GNAS: variants seen among roughly 807,000 people sequenced by gnomAD.
The protein encoded by GNAS is GNAS complex locus.
A neutral mutation model predicts 54.5 loss-of-function variants in GNAS; 8 were observed. The ratio of observed to expected loss-of-function variants is 0.15; its 90% confidence interval spans 0.09 to 0.26. The LOEUF is 0.26. Ranked by LOEUF, GNAS falls within the 10% of genes least tolerant of loss-of-function variation. The pLI is 1.00. For missense variants in GNAS, 170 were observed against 529.8 expected (o/e 0.32, Z 6.67); for synonymous variants, 204 against 191.4 (o/e 1.07, Z -0.54).
rs1348294916 is a variant in GNAS, at chr20:58,857,453, A to G, written c.43+16567A>G. Among the ~76,000 whole-genome samples, 3 of 152,188 alleles carry G rather than the reference A, an allele frequency of 2.0e-5. No homozygotes were observed. The highest frequency in any genetic ancestry group is 1.5e-5 in the Non-Finnish European group (1 of 68,032). On this transcript the variant is annotated intron_variant, in intron 1 of 12. Transcript: ENST00000306090. This position sits in a 1 kb window ranked among gnomAD's most constrained non-coding sequence, Gnocchi z 4.1. ...TCAATATTCCAAGCACAGCTCTGGG[A>G]AGCAAACCTGTAGATTGGGGGTGGG...
At chr20:58,849,028 T>C (rs1413017146) in intron 1 of GNAS, 1 of 396,056 alleles carries the variant, frequency 2.5e-6, no homozygotes, top group Middle Eastern at 6.3e-4. Context: ...CCTATTTAAA[T>C]CTAAGGGTCC....
chr20:58,894,152 A>T (rs1000906356), intron 1 of GNAS, among the ~76,000 whole-genome samples: 9 of 152,222 alleles, frequency 5.9e-5, no homozygotes, highest in Non-Finnish European at 1.3e-4. Flanking sequence ...AACTACAATG[A>T]TCTTAAAATA....
chr20:58,883,836 GCTGTGCAGA>G (rs1568961599), intron 1 of GNAS, among the ~76,000 whole-genome samples: 1 of 152,220 alleles, frequency 6.6e-6, no homozygotes, highest in Non-Finnish European at 1.5e-5. Flanking sequence ...CTCATTGGGA[GCTGTGCAGA>G]CTGTGCCCCG....
At position 58,898,966 on chromosome 20, in the gene GNAS, G is replaced by T. The variant is rs1601067102; in HGVS notation, c.238G>T (p.Ala80Ser). The T allele has an allele frequency of 3.7e-6, 6 of 1,613,802 alleles. No individual in the cohort carries two copies. Among genetic ancestry groups the T allele is most frequent in the Non-Finnish European group, 4.2e-6 (5 of 1,179,694 alleles). The change falls in exon 3 of 13, where the codon GCA becomes TCA. Residue 80 changes from alanine to serine, a missense_variant. Ala to Ser is a moderately conservative substitution (Grantham distance 99). Transcript: ENST00000371085. ...GGGCGGCGAAGAGGACCCGCAGGCTGCAAGGAGCAACAGCGATGGGTAGGC... is the reference window on the plus strand; with the variant it reads ...GGGCGGCGAAGAGGACCCGCAGGCTTCAAGGAGCAACAGCGATGGGTAGGC... The part of the protein sequence containing the change: ...GEGGEEDPQA[A>S]RSNSDGEKAT...
Position 58,910,457 on chromosome 20 carries a change from T to A in GNAS, c.1038+56T>A. ...TTGTTCCTCCTCTTTTTCTCATGGA[T>A]GTAAATTTACTTAATTCCAAATTCA... On this transcript the variant is annotated intron_variant, in intron 12 of 12. Transcript: ENST00000371085. This position sits in a 1 kb window ranked among gnomAD's most constrained non-coding sequence, Gnocchi z 5.8. 1 of 1,388,244 alleles carries A rather than the reference T, an allele frequency of 7.2e-7. No homozygotes were observed. The highest frequency in any genetic ancestry group is 1.0e-6 in the Non-Finnish European group (1 of 974,462). The allele number at this position is 1,388,244 out of a possible 1,614,324, so 86.0% of individuals were successfully genotyped here.
chr20:58,891,015 C>A (rs2145891650), upstream of GNAS, among the ~76,000 whole-genome samples: 1 of 150,798 alleles, frequency 6.6e-6, no homozygotes, highest in African/African-American at 2.4e-5. Flanking sequence ...GCCTCGGGGG[C>A]GCCGGGCGAC....
upstream of GNAS, among the ~76,000 whole-genome samples, chr20:58,891,126 CG>C (rs1336709369): frequency 6.9e-6 from 1 of 145,684 alleles, no homozygotes; most frequent in African/African-American, 2.5e-5. Context: ...TGCCCGAGCC[CG>C]GGGGGTGGGG....
At chr20:58,907,410 A>G (rs2091140778) in intron 6 of GNAS, among the ~76,000 whole-genome samples, 1 of 152,198 alleles carries the variant, frequency 6.6e-6, no homozygotes, top group Non-Finnish European at 1.5e-5. Flanking sequence ...GGAAGCGCTA[A>G]TTATAGTAAC....
At chr20:58,880,044 C>A (rs982651927) in intron 1 of GNAS, among the ~76,000 whole-genome samples, 1 of 152,150 alleles carries the variant, frequency 6.6e-6, no homozygotes, top group Non-Finnish European at 1.5e-5. Context: ...GATAATCTCT[C>A]TCTCTCTCTT....
At chr20:58,845,949 TTG>T (rs1261279491) in intron 1 of GNAS, among the ~76,000 whole-genome samples, 2 of 152,238 alleles carry the variant, frequency 1.3e-5, no homozygotes, top group African/African-American at 4.8e-5. Flanking sequence ...TGTTTATTTT[TTG>T]TGTTTATTTT....
chr20:58,872,233 A>T (rs2145719855), intron 1 of GNAS, among the ~76,000 whole-genome samples: 1 of 152,324 alleles, frequency 6.6e-6, no homozygotes, highest in South Asian at 2.1e-4. Flanking sequence ...TAAAGTTAGG[A>T]ACACACTGCA....
chr20:58,855,333 G>A, intron 1 of GNAS: 1 of 1,565,382 alleles, frequency 6.4e-7, no homozygotes, highest in Non-Finnish European at 8.7e-7. Flanking sequence ...GCTGCTTCTA[G>A]GTAATGCGGC....
In GNAS at chr20:58,853,676, A is replaced by C. The variant is rs1289701231; in HGVS notation, c.43+12790A>C. 4 of 1,613,636 alleles carry C rather than the reference A, an allele frequency of 2.5e-6. No individual in the cohort carries two copies. Among genetic ancestry groups the C allele is most frequent in the Non-Finnish European group, 3.4e-6 (4 of 1,179,830 alleles). On this transcript the variant is annotated intron_variant, in intron 1 of 12. Coordinates refer to the GNAS transcript ENST00000306090. This position sits in a 1 kb window ranked among gnomAD's most constrained non-coding sequence, Gnocchi z 4.4. ...CAGGCCTTGAGGCCTTCGGCCCAGCACTCATGGAGCCCGGAGCCTTCAGTG... is the reference window on the plus strand; with the variant it reads ...CAGGCCTTGAGGCCTTCGGCCCAGCCCTCATGGAGCCCGGAGCCTTCAGTG...
In GNAS at chr20:58,872,382, A is replaced by G. The variant is rs995292499; in HGVS notation, c.44-23230A>G. Among the ~76,000 whole-genome samples the G allele has an allele frequency of 5.3e-5, 8 of 152,180 alleles. 1 individual carries two copies. Among genetic ancestry groups the G allele is most frequent in the Admixed American group, 5.2e-4 (8 of 15,282 alleles). ...AAATCATAAATTTTTAAATTTGATAATTATCCAGAACAAAACAAAGCAAAC... is the reference window on the plus strand; with the variant it reads ...AAATCATAAATTTTTAAATTTGATAGTTATCCAGAACAAAACAAAGCAAAC... On this transcript the variant is annotated intron_variant, in intron 1 of 12. Transcript: ENST00000306090.
In GNAS at chr20:58,868,550, A is replaced by G. The variant is rs148037599; in HGVS notation, c.44-27062A>G. ...TCAAAGTGGGGCATCTGCTCGCCAC[A>G]AGAAGGTGAGAGGTCAGAAAGAAGA... On this transcript the variant is annotated intron_variant, in intron 1 of 12. Transcript: ENST00000306090. Among the ~76,000 whole-genome samples the G allele has an allele frequency of 4.8e-3, 724 of 151,998 alleles. 4 individuals carry two copies. The highest frequency in any genetic ancestry group is 7.9e-3 in the Non-Finnish European group (534 of 67,982).
Position 58,868,884 on chromosome 20 carries a change from G to A in GNAS, c.44-26728G>A, listed in dbSNP as rs112518774. On this transcript the variant is annotated intron_variant, in intron 1 of 12. Coordinates refer to the GNAS transcript ENST00000306090. ...AAAGAAAGCAAGGCTACTCAGAACC[G>A]GCTGGCAGATGGCGCTCGGCTTTTA... Among the ~76,000 whole-genome samples the A allele has an allele frequency of 7.9e-5, 12 of 152,264 alleles. No homozygotes were observed. In the East Asian group the frequency reaches 9.6e-4, roughly 12 times the overall value.
At position 58,857,047 on chromosome 20, in the gene GNAS, C is replaced by G. The variant is rs1000885426; in HGVS notation, c.43+16161C>G. The G allele has an allele frequency of 6.6e-6, 1 of 151,720 alleles. No individual in the cohort carries two copies. The highest frequency in any genetic ancestry group is 1.5e-5 in the Non-Finnish European group (1 of 67,940). 9.4% of individuals were successfully genotyped at this position (151,720 alleles called of 1,614,324 possible). ...TGTGGTTTAAATGAAAACTTCCAAA[C>G]AAACTTCACAAGCTTAATTTTTACA... On this transcript the variant is annotated intron_variant, in intron 1 of 12. Coordinates refer to the GNAS transcript ENST00000306090. The surrounding 1 kb of genome is among the most constrained non-coding windows in gnomAD (Gnocchi z 4.1).
chr20:58,908,821 T>G, intron 6 of GNAS: 1 of 334,500 alleles, frequency 3.0e-6, no homozygotes. Context: ...AAAAGAAAAA[T>G]AGAAAAAATA....
At position 58,853,516 on chromosome 20, in the gene GNAS, C is replaced by A; in HGVS notation, c.43+12630C>A. On this transcript the variant is annotated intron_variant, in intron 1 of 12. Coordinates refer to the GNAS transcript ENST00000306090. This position sits in a 1 kb window ranked among gnomAD's most constrained non-coding sequence, Gnocchi z 4.4. ...CCCAACTTTCAGGTCCTCAACCCGG[C>A]ATTCAGGGAAGCTGGAGCCCATGGA... 2 of 1,613,308 alleles carry A rather than the reference C, an allele frequency of 1.2e-6. No individual in the cohort carries two copies. Among genetic ancestry groups the A allele is most frequent in the Non-Finnish European group, 8.5e-7 (1 of 1,179,866 alleles).
Sources: gnomAD v4.1 joint callset for allele counts (sites outside exome capture counted in the v4.1 genomes callset) on GRCh38, gnomAD v4.1.1 for gene constraint, Gnocchi (gnomAD v3.1) non-coding constraint, MANE v1.5 for transcripts, NCBI Gene and HGNC (gene_info 2026-07-23, HGNC 2026-07-21) for gene names.